The following LCLAT1 variants were observed in gnomAD, a reference collection of about 807,000 sequenced individuals.
The protein encoded by LCLAT1 is 1-AGP acyltransferase 8.
In LCLAT1, 11 loss-of-function variants were observed where a neutral mutation model predicts 30.7. The observed-to-expected ratio is 0.36, with a 90% CI of 0.23 to 0.59. LCLAT1 has a LOEUF of 0.59. Among genes scored for constraint, LCLAT1 ranks in the 20% least tolerant of loss-of-function variants. LCLAT1 has a pLI of 0.77. For synonymous variants in LCLAT1, 155 were observed against 151.3 expected, an observed-to-expected ratio of 1.02 and a Z score of -0.18; for missense variants, 402 against 458.6, an observed-to-expected ratio of 0.88 and a Z score of 1.13.
At position 30,640,152 on chromosome 2, in the gene LCLAT1, G is replaced by A; in HGVS notation, c.664G>A (p.Ala222Thr). ...TGATGCTGTCCATGATATCACTGTG[G>A]CGTATCCTCACAACATTCCTCAATC... is the stretch of plus-strand genomic sequence containing the variant. ...NLDAVHDITV[A>T]YPHNIPQSEK... Residue 222 changes from alanine to threonine, a missense_variant, in exon 6 of 6, where the codon GCG becomes ACG. Physicochemically the swap from Ala to Thr is moderately conservative, Grantham distance 58. Transcript: ENST00000379509. 6.2e-7 allele frequency: 1 copy of A among 1,613,726 alleles called. No individual in the cohort carries two copies. The highest frequency in any genetic ancestry group is 2.2e-5 in the East Asian group (1 of 44,884).
chr2:30,612,993 G>A (rs1667814744), intron 5 of LCLAT1, among the ~76,000 whole-genome samples: 1 of 152,138 alleles, frequency 6.6e-6, no homozygotes, highest in African/African-American at 2.4e-5. Context: ...CAAGGAAGAG[G>A]GAAGACTGAA....
At chr2:30,562,063 A>G (rs1665251806) in intron 3 of LCLAT1, 83 bp from the exon 4 acceptor site, 1 of 961,586 alleles carries the variant, frequency 1.0e-6, no homozygotes, top group Non-Finnish European at 1.5e-6. Context: ...TAGTAAAACC[A>G]GAAAACTGAA....
intron 1 of LCLAT1, among the ~76,000 whole-genome samples, chr2:30,511,657 A>G (rs564007710): frequency 2.9e-4 from 44 of 152,320 alleles, no homozygotes; most frequent in African/African-American, 1.0e-3. Context: ...AGGTTTTAGC[A>G]TTCAGGATTC....
rs555598681 is a variant in LCLAT1 at position 30,605,924 on chromosome 2, G to A, written c.629-34193G>A. On this transcript the variant is annotated intron_variant, in intron 5 of 5. Transcript: ENST00000379509. ...CATTAGTTAGATTCTCATAAGGAGC[G>A]CGCAACCTAGATCCCTCACTTGCAC... is the stretch of plus-strand genomic sequence containing the variant. The A allele has an allele frequency of 1.9e-4, 168 of 875,684 alleles. 2 individuals are homozygous for A. The South Asian group carries it at 2.1e-3, about 11-fold the overall frequency. 54.2% of individuals were successfully genotyped at this position (875,684 alleles called of 1,614,324 possible).
intron 1 of LCLAT1, among the ~76,000 whole-genome samples, chr2:30,510,349 G>A (rs1435273538): frequency 2.0e-5 from 3 of 152,170 alleles, no homozygotes; most frequent in African/African-American, 7.2e-5. Flanking sequence ...TCTAACACTT[G>A]CTACAGGGAC....
chr2:30,466,712 G>T (rs1307586506), intron 1 of LCLAT1, among the ~76,000 whole-genome samples: 1 of 150,368 alleles, frequency 6.7e-6, no homozygotes, highest in African/African-American at 2.4e-5. Context: ...ACTTAACACT[G>T]GGTATAGGGC....
intron 1 of LCLAT1, among the ~76,000 whole-genome samples, chr2:30,456,166 G>T (rs773764126): frequency 6.6e-6 from 1 of 152,228 alleles, no homozygotes; most frequent in Non-Finnish European, 1.5e-5. Context: ...GACACACAAA[G>T]TGGGTGTCCT....
chr2:30,558,708 G>A (rs1193114754), intron 3 of LCLAT1, among the ~76,000 whole-genome samples: 1 of 151,750 alleles, frequency 6.6e-6, no homozygotes, highest in African/African-American at 2.4e-5. Context: ...CTAAGATTAA[G>A]TGTCGGGGAA....
At chr2:30,498,613 T>A (rs1282658988) in intron 1 of LCLAT1, among the ~76,000 whole-genome samples, 1 of 152,116 alleles carries the variant, frequency 6.6e-6, no homozygotes, top group Non-Finnish European at 1.5e-5. Context: ...GCCTTACGGG[T>A]GTCTTACTTT....
intron 5 of LCLAT1, among the ~76,000 whole-genome samples, chr2:30,603,589 T>C (rs1667289831): frequency 6.6e-6 from 1 of 152,142 alleles, no homozygotes; most frequent in Non-Finnish European, 1.5e-5. Flanking sequence ...CTTTGCACCT[T>C]TCTTGGGGAA....
At chr2:30,452,601 A>G (rs1681612755) in intron 1 of LCLAT1, among the ~76,000 whole-genome samples, 1 of 152,224 alleles carries the variant, frequency 6.6e-6, no homozygotes, top group African/African-American at 2.4e-5. Flanking sequence ...TATGAACATA[A>G]TAGATTTTTT....
intron 1 of LCLAT1, among the ~76,000 whole-genome samples, chr2:30,468,781 T>C (rs1682613233): frequency 6.6e-6 from 1 of 152,234 alleles, no homozygotes; most frequent in Non-Finnish European, 1.5e-5. Context: ...AATTATGCAA[T>C]ACGTGACCTT....
chr2:30,539,724 T>C (rs1425109380), intron 3 of LCLAT1, among the ~76,000 whole-genome samples: 1 of 152,182 alleles, frequency 6.6e-6, no homozygotes, highest in African/African-American at 2.4e-5. Context: ...TCAACTCGGG[T>C]ATAATTTCAG....
chr2:30,593,124 C>G (rs1666770512), intron 5 of LCLAT1, among the ~76,000 whole-genome samples: 1 of 152,130 alleles, frequency 6.6e-6, no homozygotes, highest in Non-Finnish European at 1.5e-5. Context: ...TCCATGAGAT[C>G]CACTTTTTTA....
chr2:30,515,333 A>G (rs976447643), intron 1 of LCLAT1, among the ~76,000 whole-genome samples: 3 of 152,200 alleles, frequency 2.0e-5, no homozygotes, highest in Non-Finnish European at 4.4e-5. Context: ...TAGCTTCCCC[A>G]TTAGACTCTG....
chr2:30,484,336 G>T (rs1409577548), intron 1 of LCLAT1, among the ~76,000 whole-genome samples: 2 of 152,096 alleles, frequency 1.3e-5, no homozygotes, highest in Non-Finnish European at 2.9e-5. Context: ...CAGCATTATG[G>T]GAATAAGTAT....
chr2:30,532,478 A>G (rs760199093), intron 2 of LCLAT1, among the ~76,000 whole-genome samples: 55 of 149,960 alleles, frequency 3.7e-4, no homozygotes, highest in Non-Finnish European at 3.0e-5. Flanking sequence ...TCATAAGTCT[A>G]TAATATATTG....
chr2:30,572,340 C>G (rs1665815285), intron 5 of LCLAT1, among the ~76,000 whole-genome samples: 1 of 152,194 alleles, frequency 6.6e-6, no homozygotes, highest in African/African-American at 2.4e-5. Context: ...TTCTTATGTA[C>G]CAGGTATTGA....
chr2:30,456,405 G>A, intron 1 of LCLAT1, among the ~76,000 whole-genome samples: 1 of 138,408 alleles, frequency 7.2e-6, no homozygotes, highest in Non-Finnish European at 1.6e-5. Context: ...CCTGGCAGGG[G>A]AAGGGGGTCT....
Sources: allele counts gnomAD v4.1 joint callset (sites outside exome capture counted in the v4.1 genomes callset), GRCh38; gene constraint gnomAD v4.1.1; transcripts MANE v1.5; gene names NCBI Gene and HGNC (gene_info 2026-07-23, HGNC 2026-07-21).